Variants in SLC2A13 observed in about 807,000 individuals in gnomAD.
SLC2A13 encodes the protein proton myo-inositol cotransporter.
Under a neutral mutation model 64.4 loss-of-function variants are expected in SLC2A13, and 32 were observed. The observed-to-expected ratio is 0.50, with a 90% CI of 0.37 to 0.67. The LOEUF is 0.67. Ranked by LOEUF, SLC2A13 falls within the 30% of genes least tolerant of loss-of-function variation. The pLI is 0.00. For missense variants in SLC2A13, 743 were observed against 829.2 expected (o/e 0.90, Z 1.28); for synonymous variants, 338 against 327.1 (o/e 1.03, Z -0.36).
intron 3 of SLC2A13, among the ~76,000 whole-genome samples, chr12:39,951,769 T>C (rs979233381): frequency 2.0e-5 from 3 of 152,172 alleles, no homozygotes; most frequent in Non-Finnish European, 2.9e-5. Context: ...TAAAAGTCAC[T>C]GGCAAAATTG....
intron 1 of SLC2A13, among the ~76,000 whole-genome samples, chr12:40,091,165 T>G (rs190953914): frequency 3.3e-4 from 50 of 152,192 alleles, no homozygotes; most frequent in African/African-American, 1.2e-3. Flanking sequence ...AAAGGTACAG[T>G]AAAAATGCAG....
At chr12:39,849,437 A>G (rs964576586) in intron 6 of SLC2A13, among the ~76,000 whole-genome samples, 18 of 152,142 alleles carry the variant, frequency 1.2e-4, no homozygotes, top group African/African-American at 4.3e-4. Flanking sequence ...TATTTGTGAG[A>G]CAGAAGCTCA....
chr12:39,779,012 G>A (rs1940878502), intron 7 of SLC2A13, among the ~76,000 whole-genome samples: 3 of 152,070 alleles, frequency 2.0e-5, no homozygotes, highest in African/African-American at 7.2e-5. Context: ...CCAGGACGTA[G>A]GTAATACATG....
intron 1 of SLC2A13, among the ~76,000 whole-genome samples, chr12:40,101,099 G>A (rs544357443): frequency 1.8e-4 from 27 of 151,620 alleles, no homozygotes; most frequent in African/African-American, 6.3e-4. Flanking sequence ...AGCAGGCAGC[G>A]ACAATGGAGA....
intron 2 of SLC2A13, among the ~76,000 whole-genome samples, chr12:40,034,627 T>A (rs1231412276): frequency 2.0e-5 from 3 of 152,238 alleles, no homozygotes. Context: ...GTTAGCCCAT[T>A]CTGAATAGCT....
At chr12:40,046,663 C>T (rs904585371) in intron 2 of SLC2A13, among the ~76,000 whole-genome samples, 5 of 151,874 alleles carry the variant, frequency 3.3e-5, no homozygotes, top group Admixed American at 6.6e-5. Flanking sequence ...AAAGAAACTT[C>T]CTGCTTCAGT....
chr12:39,910,095 C>T (rs1395988473), intron 4 of SLC2A13, among the ~76,000 whole-genome samples: 2 of 152,050 alleles, frequency 1.3e-5, no homozygotes, highest in Non-Finnish European at 2.9e-5. Flanking sequence ...AACTAGAACC[C>T]TGTCCCCTGC....
intron 3 of SLC2A13, among the ~76,000 whole-genome samples, chr12:40,005,765 A>G (rs1947404238): frequency 6.6e-6 from 1 of 152,170 alleles, no homozygotes; most frequent in South Asian, 2.1e-4. Context: ...AAAAGGCTAT[A>G]CGATTTTATA....
chr12:40,104,817 T>C (rs754376275), intron 1 of SLC2A13, among the ~76,000 whole-genome samples: 3 of 152,190 alleles, frequency 2.0e-5, no homozygotes, highest in Non-Finnish European at 2.9e-5. Flanking sequence ...GGTTCCAGGC[T>C]GGGAGCCCCA....
chr12:39,871,369 C>T (rs1944049065), intron 5 of SLC2A13, among the ~76,000 whole-genome samples: 1 of 114,042 alleles, frequency 8.8e-6, no homozygotes, highest in Non-Finnish European at 1.8e-5. Context: ...TATTCCACTG[C>T]TGAAAGAGCT....
chr12:40,105,925 G>A lies in SLC2A13; in HGVS notation c.-117C>T. The A allele has an allele frequency of 7.4e-6, 9 of 1,213,712 alleles. No homozygotes were observed. The highest frequency in any genetic ancestry group is 9.4e-6 in the Non-Finnish European group (9 of 956,954). The allele number at this position is 1,213,712 out of a possible 1,614,324, so 75.2% of individuals were successfully genotyped here. On this transcript the variant is annotated 5_prime_UTR_variant, in exon 1 of 10. Transcript: ENST00000280871. This position sits in a 1 kb window ranked among gnomAD's most constrained non-coding sequence, Gnocchi z 4.2. ...CCGCTGCCGCCGCTTTCTTCCTCCCGGCTTCCGCTCCGGCTGCCACGGCAG... is the reference window on the plus strand; with the variant it reads ...CCGCTGCCGCCGCTTTCTTCCTCCCAGCTTCCGCTCCGGCTGCCACGGCAG...
intron 1 of SLC2A13, among the ~76,000 whole-genome samples, chr12:40,069,111 A>G (rs1937858149): frequency 6.6e-6 from 1 of 152,180 alleles, no homozygotes; most frequent in Non-Finnish European, 1.5e-5. Flanking sequence ...ATAATGTATA[A>G]GGAGAATCTA....
At chr12:39,812,344 TTTC>T (rs772485381) in intron 7 of SLC2A13, among the ~76,000 whole-genome samples, 1 of 101,014 alleles carries the variant, frequency 9.9e-6, no homozygotes, top group Admixed American at 9.1e-5. Context: ...TCTTTTTTCT[TTTC>T]TTTTCTTTTC....
intron 3 of SLC2A13, among the ~76,000 whole-genome samples, chr12:39,988,840 C>A (rs891614767): frequency 2.6e-5 from 4 of 152,112 alleles, no homozygotes; most frequent in Non-Finnish European, 5.9e-5. Flanking sequence ...AGTCATCTTT[C>A]ATTCCTCTTC....
At chr12:39,992,845 G>A (rs1742642096) in intron 3 of SLC2A13, among the ~76,000 whole-genome samples, 1 of 152,006 alleles carries the variant, frequency 6.6e-6, no homozygotes, top group African/African-American at 2.4e-5. Flanking sequence ...TGTTAAAATT[G>A]ACACAATCAA....
chr12:39,771,216 G>A (rs918865152), intron 7 of SLC2A13, among the ~76,000 whole-genome samples: 1 of 152,110 alleles, frequency 6.6e-6, no homozygotes, highest in Non-Finnish European at 1.5e-5. Flanking sequence ...CCTATTTTCT[G>A]ATTTTCATGC....
intron 4 of SLC2A13, among the ~76,000 whole-genome samples, chr12:39,900,305 A>G (rs945032694): frequency 6.6e-6 from 1 of 151,878 alleles, no homozygotes; most frequent in African/African-American, 2.4e-5. Flanking sequence ...CTCTCTCACC[A>G]CTCCTATTCA....
chr12:40,013,141 G>T (rs961323897), intron 3 of SLC2A13, among the ~76,000 whole-genome samples: 3 of 151,754 alleles, frequency 2.0e-5, no homozygotes, highest in Non-Finnish European at 4.4e-5. Context: ...TGCAAAAAGG[G>T]TATAGTCAAA....
At chr12:39,771,099 G>C (rs997133393) in intron 7 of SLC2A13, among the ~76,000 whole-genome samples, 1 of 152,106 alleles carries the variant, frequency 6.6e-6, no homozygotes, top group Non-Finnish European at 1.5e-5. Flanking sequence ...TCTTGAATCT[G>C]ACTTTTCTAT....
Sources: gnomAD v4.1 joint callset for allele counts (sites outside exome capture counted in the v4.1 genomes callset) on GRCh38, gnomAD v4.1.1 for gene constraint, Gnocchi (gnomAD v3.1) non-coding constraint, MANE v1.5 for transcripts, NCBI Gene and HGNC (gene_info 2026-07-23, HGNC 2026-07-21) for gene names.